FAM78B: variants seen among roughly 807,000 people sequenced by gnomAD.
FAM78B encodes protein FAM78B.
FAM78B carries 10 observed loss-of-function variants against 20.0 expected under a neutral mutation model. The ratio of observed to expected loss-of-function variants is 0.50; its 90% CI spans 0.31 to 0.85. The LOEUF (loss-of-function observed/expected upper bound fraction) is 0.85, where lower values mean the gene tolerates loss of function less well. FAM78B is among the 40% of genes least tolerant of loss of function. FAM78B has a pLI of 0.05. For synonymous variants in FAM78B, 135 were observed against 132.8 expected, an observed-to-expected ratio of 1.02 and a Z score of -0.12; for missense variants, 283 against 345.0, an observed-to-expected ratio of 0.82 and a Z score of 1.42.
At chr1:166,057,387 G>C (rs191385833), downstream of FAM78B, 1 of 152,180 alleles carries the variant, frequency 6.6e-6, no homozygotes, top group South Asian at 2.1e-4. Context: ...AGAAAACCAG[G>C]CACTGCATCT....
chr1:166,096,207 T>C (rs1653268190), intron 1 of FAM78B, among the ~76,000 whole-genome samples: 1 of 152,244 alleles, frequency 6.6e-6, no homozygotes, highest in Non-Finnish European at 1.5e-5. Context: ...TGACTTGCTT[T>C]GACTGCTGGG....
At chr1:166,121,133 T>C (rs1571181631) in intron 1 of FAM78B, among the ~76,000 whole-genome samples, 1 of 152,210 alleles carries the variant, frequency 6.6e-6, no homozygotes, top group Non-Finnish European at 1.5e-5. Context: ...AAGTTACAAA[T>C]CAAGCCTACA....
chr1:166,102,776 A>G (rs1421651610), intron 1 of FAM78B, among the ~76,000 whole-genome samples: 1 of 152,202 alleles, frequency 6.6e-6, no homozygotes, highest in Non-Finnish European at 1.5e-5. Flanking sequence ...TTAACATCCC[A>G]CTGTCAACAT....
intron 1 of FAM78B, among the ~76,000 whole-genome samples, chr1:166,091,926 A>G (rs140612767): frequency 2.1e-4 from 32 of 152,238 alleles, no homozygotes; most frequent in African/African-American, 7.2e-4. Flanking sequence ...TTAAACCTAC[A>G]TCCACATTCT....
chr1:166,077,677 A>G (rs1474068605), intron 1 of FAM78B, among the ~76,000 whole-genome samples: 1 of 141,284 alleles, frequency 7.1e-6, no homozygotes, highest in Non-Finnish European at 1.5e-5. Context: ...ATATAATTAT[A>G]TATTTATATA....
intron 1 of FAM78B, among the ~76,000 whole-genome samples, chr1:166,159,333 C>T (rs1656043409): frequency 6.6e-6 from 1 of 152,144 alleles, no homozygotes; most frequent in Non-Finnish European, 1.5e-5. Context: ...GCAGGTTACC[C>T]AACCCCCTGA....
chr1:166,102,604 A>T (rs977656069), intron 1 of FAM78B, among the ~76,000 whole-genome samples: 1 of 152,198 alleles, frequency 6.6e-6, no homozygotes, highest in Non-Finnish European at 1.5e-5. Flanking sequence ...ATCAAAAGAG[A>T]CAAAGAAGGC....
At chr1:166,148,690 A>G (rs573094295) in intron 1 of FAM78B, among the ~76,000 whole-genome samples, 11 of 152,354 alleles carry the variant, frequency 7.2e-5, no homozygotes, top group African/African-American at 2.6e-4. Context: ...GAGAGAGGAG[A>G]CAACCTGTGC....
chr1:166,139,086 G>T (rs938643411), intron 1 of FAM78B, among the ~76,000 whole-genome samples: 1 of 152,146 alleles, frequency 6.6e-6, no homozygotes, highest in Admixed American at 6.6e-5. Context: ...AAGCAGCAAG[G>T]GGGACACCAG....
chr1:166,154,495 ACT>A (rs1655814859), intron 1 of FAM78B, among the ~76,000 whole-genome samples: 1 of 152,192 alleles, frequency 6.6e-6, no homozygotes, highest in Non-Finnish European at 1.5e-5. Flanking sequence ...GCTCCTGGCA[ACT>A]GTGTAGACAT....
downstream of FAM78B, among the ~76,000 whole-genome samples, chr1:166,057,220 C>T (rs1651385639): frequency 6.6e-6 from 1 of 152,160 alleles, no homozygotes; most frequent in South Asian, 2.1e-4. Context: ...TACAGTTGTC[C>T]ATGCTTTTTC....
intron 1 of FAM78B, among the ~76,000 whole-genome samples, chr1:166,093,628 T>C (rs1653162221): frequency 6.6e-6 from 1 of 152,158 alleles, no homozygotes; most frequent in African/African-American, 2.4e-5. Flanking sequence ...CCAAATTAAT[T>C]GAGGACAAAC....
At chr1:166,110,239 C>G (rs1345872497) in intron 1 of FAM78B, among the ~76,000 whole-genome samples, 3 of 151,460 alleles carry the variant, frequency 2.0e-5, no homozygotes, top group Non-Finnish European at 2.9e-5. Flanking sequence ...AACCCAATAC[C>G]ACCTGTACCC....
chr1:166,072,841 G>C (rs1652103703), intron 1 of FAM78B, among the ~76,000 whole-genome samples: 1 of 152,194 alleles, frequency 6.6e-6, no homozygotes, highest in African/African-American at 2.4e-5. Flanking sequence ...TTGGTTTTGA[G>C]TGGATGTACT....
intron 1 of FAM78B, among the ~76,000 whole-genome samples, chr1:166,081,935 A>G (rs1400794739): frequency 6.6e-6 from 1 of 151,922 alleles, no homozygotes; most frequent in Non-Finnish European, 1.5e-5. Flanking sequence ...TTTCTCCACT[A>G]TGCCTCTACA....
intron 1 of FAM78B, among the ~76,000 whole-genome samples, chr1:166,133,769 G>A (rs920184029): frequency 6.6e-6 from 1 of 152,118 alleles, no homozygotes; most frequent in African/African-American, 2.4e-5. Context: ...CAATTGCACT[G>A]GCTTCTCCTT....
downstream of FAM78B, among the ~76,000 whole-genome samples, chr1:166,068,026 G>A (rs1332705949): frequency 6.6e-6 from 1 of 152,028 alleles, no homozygotes; most frequent in Non-Finnish European, 1.5e-5. Context: ...AATGCACTAG[G>A]GGAATTTGCA....
intron 1 of FAM78B, among the ~76,000 whole-genome samples, chr1:166,158,258 C>T (rs1188091010): frequency 6.6e-6 from 1 of 152,162 alleles, no homozygotes; most frequent in African/African-American, 2.4e-5. Flanking sequence ...CCAGGGGATC[C>T]AGGCTGCAAT....
intron 1 of FAM78B, among the ~76,000 whole-genome samples, chr1:166,141,647 T>C (rs1655280569): frequency 1.3e-5 from 2 of 152,182 alleles, no homozygotes; most frequent in Non-Finnish European, 2.9e-5. Context: ...ATGAGTAAAG[T>C]GTATTCCAGC....
Sources: allele counts gnomAD v4.1 joint callset (sites outside exome capture counted in the v4.1 genomes callset), GRCh38; gene constraint gnomAD v4.1.1; transcripts MANE v1.5; gene names NCBI Gene and HGNC (gene_info 2026-07-23, HGNC 2026-07-21).